The following CDK14 variants were observed in gnomAD, a reference collection of about 807,000 sequenced individuals.
CDK14 encodes the protein cyclin dependent kinase 14, also known as cyclin-dependent kinase 14.
Under a neutral mutation model 60.7 loss-of-function variants are expected in CDK14, and 34 were observed. The observed-to-expected ratio is 0.56, with a 90% CI of 0.43 to 0.75. The LOEUF (loss-of-function observed/expected upper bound fraction) is 0.75. Ranked by LOEUF, CDK14 falls within the 30% of genes least tolerant of loss-of-function variation. The probability of loss-of-function intolerance (pLI) is 0.00; values close to 1 mark genes in which losing one functional copy is unlikely to be tolerated. For missense variants in CDK14, 482 were observed against 564.1 expected (o/e 0.85, Z 1.47); for synonymous variants, 197 against 203.7 (o/e 0.97, Z 0.28).
intron 2 of CDK14, among the ~76,000 whole-genome samples, chr7:90,678,380 C>T (rs904588191): frequency 6.6e-6 from 1 of 152,142 alleles, no homozygotes; most frequent in Non-Finnish European, 1.5e-5. Context: ...AGAGAATAAA[C>T]CTGACCCAAA....
chr7:91,147,716 A>T (rs1348322848), intron 14 of CDK14, among the ~76,000 whole-genome samples: 5 of 152,092 alleles, frequency 3.3e-5, no homozygotes, highest in Non-Finnish European at 5.9e-5. Context: ...GAGTCCCAGG[A>T]TTCAAACCAA....
chr7:91,186,327 T>C (rs1802193067), intron 14 of CDK14, among the ~76,000 whole-genome samples: 1 of 124,964 alleles, frequency 8.0e-6, no homozygotes, highest in Admixed American at 8.4e-5. Flanking sequence ...CCTTCCCTAA[T>C]AATATTCCAT....
intron 2 of CDK14, among the ~76,000 whole-genome samples, chr7:90,615,092 A>G (rs918135132): frequency 2.6e-5 from 4 of 152,232 alleles, no homozygotes; most frequent in African/African-American, 9.6e-5. Context: ...ATTCTATGAT[A>G]ATGATGAATC....
At chr7:90,897,527 T>C (rs1055008861) in intron 6 of CDK14, among the ~76,000 whole-genome samples, 1 of 152,046 alleles carries the variant, frequency 6.6e-6, no homozygotes, top group African/African-American at 2.4e-5. Context: ...GAATACCTTA[T>C]TTTTATCTAT....
At chr7:90,726,520 T>C (rs746567651) in intron 2 of CDK14, 47 bp from the exon 3 acceptor site, 15 of 1,586,246 alleles carry the variant, frequency 9.5e-6, no homozygotes, top group Non-Finnish European at 1.2e-5. Flanking sequence ...TTTAGTGATA[T>C]TAAAGTTGCA....
intron 13 of CDK14, among the ~76,000 whole-genome samples, chr7:91,117,380 C>A (rs542864653): frequency 4.5e-4 from 68 of 151,958 alleles, no homozygotes; most frequent in African/African-American, 1.6e-3. Context: ...TGCCTCCTAC[C>A]TGGTTTGCCT....
chr7:91,016,416 A>G (rs1796305024), intron 10 of CDK14, among the ~76,000 whole-genome samples: 2 of 152,206 alleles, frequency 1.3e-5, no homozygotes. Context: ...AAAAGCCATC[A>G]AGCCATTATC....
intron 2 of CDK14, among the ~76,000 whole-genome samples, chr7:90,689,578 A>G (rs1161484326): frequency 6.6e-6 from 1 of 152,166 alleles, no homozygotes; most frequent in Non-Finnish European, 1.5e-5. Flanking sequence ...TTACAATTAG[A>G]TCTTCTCATA....
intron 4 of CDK14, among the ~76,000 whole-genome samples, chr7:90,770,675 T>C (rs1804748197): frequency 6.6e-6 from 1 of 152,186 alleles, no homozygotes; most frequent in Admixed American, 6.5e-5. Flanking sequence ...TTGTTTCTGC[T>C]CTCCAGGCTT....
intron 2 of CDK14, among the ~76,000 whole-genome samples, chr7:90,640,330 T>C (rs1420186587): frequency 6.6e-6 from 1 of 152,162 alleles, no homozygotes; most frequent in African/African-American, 2.4e-5. Flanking sequence ...ATATTAATAA[T>C]GATAATTAAT....
intron 10 of CDK14, among the ~76,000 whole-genome samples, chr7:91,038,324 G>A (rs888004899): frequency 9.9e-5 from 15 of 152,160 alleles, no homozygotes; most frequent in African/African-American, 3.6e-4. Flanking sequence ...TATGTAAGGA[G>A]TGCCTACTTT....
At chr7:91,085,194 A>G (rs987150245) in intron 12 of CDK14, among the ~76,000 whole-genome samples, 2 of 152,204 alleles carry the variant, frequency 1.3e-5, no homozygotes, top group Non-Finnish European at 2.9e-5. Flanking sequence ...TGGGTCTCAC[A>G]AGGCCAAAAT....
chr7:91,140,546 C>G (rs1800424355), intron 14 of CDK14, among the ~76,000 whole-genome samples: 1 of 152,192 alleles, frequency 6.6e-6, no homozygotes, highest in African/African-American at 2.4e-5. Context: ...TCAGTACAGG[C>G]AGCTCTAACT....
chr7:90,906,162 AT>A (rs1792692049), intron 7 of CDK14, among the ~76,000 whole-genome samples: 1 of 152,184 alleles, frequency 6.6e-6, no homozygotes, highest in Non-Finnish European at 1.5e-5. Context: ...GAATATAAAA[AT>A]GAAGAACATA....
At chr7:90,817,325 G>C (rs2117065010) in intron 5 of CDK14, among the ~76,000 whole-genome samples, 1 of 152,216 alleles carries the variant, frequency 6.6e-6, no homozygotes, top group South Asian at 2.1e-4. Context: ...GAATCGAATT[G>C]ATAATCGTAC....
intron 8 of CDK14, among the ~76,000 whole-genome samples, chr7:90,946,587 A>G (rs940506574): frequency 1.3e-5 from 2 of 152,192 alleles, no homozygotes; most frequent in African/African-American, 4.8e-5. Context: ...ACTGATTCAT[A>G]AGGGCATTTA....
chr7:91,056,678 G>A (rs1418182976), intron 11 of CDK14, among the ~76,000 whole-genome samples: 4 of 151,776 alleles, frequency 2.6e-5, no homozygotes, highest in Admixed American at 6.6e-5. Context: ...TTGTCTTTGC[G>A]ATAGTTTGCT....
At chr7:90,794,927 G>A (rs1275206253) in intron 5 of CDK14, among the ~76,000 whole-genome samples, 2 of 152,172 alleles carry the variant, frequency 1.3e-5, no homozygotes, top group Admixed American at 6.5e-5. Context: ...ACTAATAAAT[G>A]TCCATGAAAT....
chr7:90,764,967 A>G (rs1307227216), intron 4 of CDK14, among the ~76,000 whole-genome samples: 1 of 152,234 alleles, frequency 6.6e-6, no homozygotes, highest in Non-Finnish European at 1.5e-5. Flanking sequence ...GGTAGAAGTC[A>G]TTCCTAATTG....
Sources: allele counts gnomAD v4.1 joint callset (sites outside exome capture counted in the v4.1 genomes callset), GRCh38; gene constraint gnomAD v4.1.1; transcripts MANE v1.5; gene names NCBI Gene and HGNC (gene_info 2026-07-23, HGNC 2026-07-21).